CCM2: variants seen among roughly 807,000 people sequenced by gnomAD.
The protein encoded by CCM2 is CCM2 scaffold protein.
In CCM2, 25 loss-of-function variants were observed where a neutral mutation model predicts 44.9. That is an observed-to-expected ratio of 0.56 (90% CI 0.41 to 0.78). The LOEUF (loss-of-function observed/expected upper bound fraction) is 0.78, where lower values mean the gene tolerates loss of function less well. Ranked by LOEUF, CCM2 falls within the 30% of genes least tolerant of loss-of-function variation. The pLI, the probability that CCM2 is intolerant of heterozygous loss-of-function variation, is 0.00. For missense variants in CCM2, 481 were observed against 580.6 expected (o/e 0.83, Z 1.76); for synonymous variants, 219 against 241.1 (o/e 0.91, Z 0.85).
At chr7:44,999,999 C>G (rs1795515728), upstream of CCM2, 1 of 240,988 alleles carries the variant, frequency 4.1e-6, no homozygotes, top group South Asian at 3.4e-5. Context: ...AGCCTGTGGG[C>G]GGTGCTCTCG....
intron 1 of CCM2, among the ~76,000 whole-genome samples, chr7:45,023,531 C>T (rs1467933200): frequency 3.3e-5 from 5 of 152,278 alleles, no homozygotes; most frequent in Admixed American, 1.3e-4. Context: ...GCCTGGATGA[C>T]AGAGTGAGAC....
chr7:45,022,507 C>T (rs1250392441), intron 1 of CCM2, among the ~76,000 whole-genome samples: 2 of 151,304 alleles, frequency 1.3e-5, no homozygotes, highest in African/African-American at 4.9e-5. Context: ...GGGGTTTCAC[C>T]GTGTTAGCCA....
At chr7:45,048,994 C>G (rs577466984) in intron 2 of CCM2, among the ~76,000 whole-genome samples, 3 of 152,282 alleles carry the variant, frequency 2.0e-5, no homozygotes, top group Admixed American at 6.5e-5. Flanking sequence ...CTCACTCTGT[C>G]ACCCAGGCTG....
intron 1 of CCM2, among the ~76,000 whole-genome samples, chr7:45,017,245 C>T (rs568190746): frequency 6.6e-6 from 1 of 152,350 alleles, no homozygotes; most frequent in Non-Finnish European, 1.5e-5. Context: ...TCCATGTTCA[C>T]TTTGAGGTGG....
intron 4 of CCM2, among the ~76,000 whole-genome samples, chr7:45,066,816 G>A (rs1034035365): frequency 2.6e-5 from 4 of 151,854 alleles, no homozygotes; most frequent in African/African-American, 9.7e-5. Flanking sequence ...ACACCAGGGA[G>A]CCAACATTTA....
intron 1 of CCM2, among the ~76,000 whole-genome samples, chr7:45,022,376 G>A (rs533856602): frequency 8.2e-4 from 114 of 138,742 alleles, no homozygotes; most frequent in Non-Finnish European, 1.2e-3. Flanking sequence ...GTGCGATCTC[G>A]GTTCACTGCA....
At chr7:45,056,037 A>G (rs1798244845) in intron 2 of CCM2, among the ~76,000 whole-genome samples, 1 of 152,210 alleles carries the variant, frequency 6.6e-6, no homozygotes, top group South Asian at 2.1e-4. Flanking sequence ...AAGGCTGAAT[A>G]ATATTTCATT....
chr7:45,045,539 C>T (rs1797711763), intron 2 of CCM2, among the ~76,000 whole-genome samples: 1 of 152,174 alleles, frequency 6.6e-6, no homozygotes. Flanking sequence ...CGCCTGTAAT[C>T]CCAGCACTTT....
intron 1 of CCM2, among the ~76,000 whole-genome samples, chr7:45,007,898 TTA>T (rs1236067150): frequency 6.6e-6 from 1 of 152,226 alleles, no homozygotes; most frequent in Non-Finnish European, 1.5e-5. Flanking sequence ...ATTTAAATCT[TTA>T]TGTCTATTCT....
intron 1 of CCM2, among the ~76,000 whole-genome samples, chr7:45,002,696 G>T (rs1466210369): frequency 6.6e-6 from 1 of 152,112 alleles, no homozygotes; most frequent in Non-Finnish European, 1.5e-5. Flanking sequence ...AGTCACCTCA[G>T]CACATGTGGT....
chr7:45,011,638 G>A (rs1301474019), intron 1 of CCM2, among the ~76,000 whole-genome samples: 7 of 151,932 alleles, frequency 4.6e-5, no homozygotes, highest in African/African-American at 1.5e-4. Flanking sequence ...TGCAACCTCT[G>A]CCTCCTGGTT....
intron 1 of CCM2, among the ~76,000 whole-genome samples, chr7:45,031,454 C>T (rs1796966763): frequency 6.6e-6 from 1 of 151,802 alleles, no homozygotes; most frequent in Non-Finnish European, 1.5e-5. Context: ...TCATAGCCCA[C>T]TGCAGCTTTG....
At chr7:45,041,180 A>G (rs1487122771) in intron 2 of CCM2, among the ~76,000 whole-genome samples, 1 of 152,196 alleles carries the variant, frequency 6.6e-6, no homozygotes, top group Non-Finnish European at 1.5e-5. Context: ...GTTTGGGTAG[A>G]ATAATGTATT....
intron 2 of CCM2, among the ~76,000 whole-genome samples, chr7:45,055,128 G>A (rs1583945937): frequency 6.6e-6 from 1 of 152,166 alleles, no homozygotes; most frequent in Non-Finnish European, 1.5e-5. Flanking sequence ...TAACACCAAA[G>A]AAAAGCAAGA....
intron 8 of CCM2, 168 bp from the exon 9 acceptor site, chr7:45,074,102 T>C (rs1287706901): frequency 6.9e-7 from 1 of 1,447,884 alleles, no homozygotes; most frequent in Non-Finnish European, 9.2e-7. Flanking sequence ...GTGCCAGGTC[T>C]GGTAGGATGG....
intron 4 of CCM2, among the ~76,000 whole-genome samples, chr7:45,067,038 C>T (rs1489905983): frequency 4.6e-5 from 7 of 151,886 alleles, no homozygotes; most frequent in Non-Finnish European, 8.8e-5. Context: ...GTAGCTGGGA[C>T]TACAGGCTCC....
chr7:45,064,683 A>G (rs763167422), intron 4 of CCM2, 37 bp downstream of exon 4: 3 of 1,608,380 alleles, frequency 1.9e-6, no homozygotes, highest in African/African-American at 2.7e-5. Context: ...TCCTTGTCCT[A>G]AGGAGTACAT....
intron 2 of CCM2, among the ~76,000 whole-genome samples, chr7:45,040,062 A>G (rs1203385275): frequency 6.6e-6 from 1 of 151,608 alleles, no homozygotes; most frequent in Non-Finnish European, 1.5e-5. Context: ...TGTTATTTAT[A>G]TATCTTTAAA....
intron 8 of CCM2, chr7:45,073,896 A>G: frequency 1.9e-6 from 1 of 522,120 alleles, no homozygotes; most frequent in Non-Finnish European, 3.5e-6. Flanking sequence ...CATCTTATAT[A>G]GTTCTGTCAT....
Sources: allele counts gnomAD v4.1 joint callset (sites outside exome capture counted in the v4.1 genomes callset), GRCh38; gene constraint gnomAD v4.1.1; transcripts MANE v1.5; gene names NCBI Gene and HGNC (gene_info 2026-07-23, HGNC 2026-07-21).